The following NHS variants were observed in gnomAD, a reference collection of about 807,000 sequenced individuals.
The protein encoded by NHS is NHS actin remodeling regulator.
A neutral mutation model predicts 72.5 loss-of-function variants in NHS; 5 were observed. The ratio of observed to expected loss-of-function variants is 0.07; its 90% CI spans 0.04 to 0.14. The LOEUF is 0.14. NHS is among the 10% of genes least tolerant of loss of function. The pLI is 1.00. For missense variants in NHS, 1,072 were observed against 1,355.7 expected, an observed-to-expected ratio of 0.79 and a Z score of 3.29; for synonymous variants, 464 against 547.7, an observed-to-expected ratio of 0.85 and a Z score of 2.13.
chrX:17,719,340 A>G lies in NHS; in HGVS notation c.853-4A>G. 2 of 1,166,087 alleles carry G rather than the reference A, an allele frequency of 1.7e-6. No individual in the cohort carries two copies. Among genetic ancestry groups the G allele is most frequent in the Non-Finnish European group, 2.3e-6 (2 of 871,989 alleles). ...TTTTCTTTTTTTGCATTTCATGTTC[A>G]TAGTTTAACAGCACCCGTTCGCCCT... On this transcript the variant is annotated splice_polypyrimidine_tract_variant and splice_region_variant and intron_variant, in intron 3 of 8. Coordinates refer to ENST00000676302, the MANE Select transcript of NHS (RefSeq NM_001291867.2).
intron 3 of NHS, among the ~76,000 whole-genome samples, chrX:17,712,654 G>A (rs780542057): frequency 2.9e-4 from 32 of 109,209 alleles, no homozygotes; most frequent in Non-Finnish European, 5.3e-4. Flanking sequence ...ACTTCGCCAC[G>A]GTGATTGGAA....
At chrX:17,402,969 AC>A (rs1432754417) in intron 1 of NHS, among the ~76,000 whole-genome samples, 9 of 112,250 alleles carry the variant, frequency 8.0e-5, no homozygotes, top group Non-Finnish European at 1.5e-4. Context: ...CAGTGGCTGA[AC>A]ACAAGAAAAC....
intron 1 of NHS, among the ~76,000 whole-genome samples, chrX:17,472,300 A>G (rs1161922608): frequency 9.0e-6 from 1 of 110,588 alleles, no homozygotes; most frequent in Non-Finnish European, 1.9e-5. Context: ...AGATAGGTAG[A>G]TAGATACTGA....
chrX:17,721,429 C>G lies in NHS; in HGVS notation c.916-12C>G. ...ACTATGATGGCTGAACCTGATTGTA[C>G]TTTGTTTGCAGTCCCATCCCCCAGA... On this transcript the variant is annotated splice_polypyrimidine_tract_variant and intron_variant, in intron 4 of 8. Coordinates refer to ENST00000676302, the MANE Select transcript of NHS (RefSeq NM_001291867.2). 1 of 1,209,311 alleles carries G rather than the reference C, an allele frequency of 8.3e-7. No individual in the cohort carries two copies. The highest frequency in any genetic ancestry group is 1.1e-6 in the Non-Finnish European group (1 of 893,478).
intron 1 of NHS, among the ~76,000 whole-genome samples, chrX:17,686,438 C>A (rs2066163084): frequency 8.9e-6 from 1 of 111,881 alleles, no homozygotes; most frequent in Non-Finnish European, 1.9e-5. Flanking sequence ...ACCTCTTAGT[C>A]ACCTTGGCCC....
intron 1 of NHS, among the ~76,000 whole-genome samples, chrX:17,654,368 G>A (rs944144907): frequency 1.3e-4 from 15 of 111,989 alleles, no homozygotes; most frequent in African/African-American, 3.6e-4. Context: ...TCTGTCTTCC[G>A]GGGGACTTCC....
intron 3 of NHS, among the ~76,000 whole-genome samples, chrX:17,700,780 T>C (rs2066259343): frequency 9.1e-6 from 1 of 110,283 alleles, no homozygotes; most frequent in Admixed American, 9.6e-5. Flanking sequence ...CATAGAAGAG[T>C]GATGGAGTAA....
In NHS at chrX:17,727,530, A is replaced by T. The variant is rs773827819; in HGVS notation, c.3424A>T (p.Asn1142Tyr). Residue 1142 changes from asparagine (N) to tyrosine (Y), a missense_variant, in exon 7 of 9, where the codon AAC becomes TAC. Physicochemically the swap from Asn to Tyr is moderately radical, Grantham distance 143. Coordinates refer to ENST00000676302, the MANE Select transcript of NHS (RefSeq NM_001291867.2). ...TACACCAACGATCCTGAAATCTGTTAACCTTAGGTCCATCAACAAGTCTGA... is the reference window on the plus strand; with the variant it reads ...TACACCAACGATCCTGAAATCTGTTTACCTTAGGTCCATCAACAAGTCTGA... Reference protein sequence around the residue: ...AITPTILKSVNLRSINKSEEV... With the variant: ...AITPTILKSVYLRSINKSEEV... The T allele has an allele frequency of 7.4e-6, 9 of 1,210,326 alleles. No homozygotes were observed. The East Asian group carries it at 2.4e-4, about 32-fold the overall frequency.
At position 17,685,610 on chromosome X, in the gene NHS, A is replaced by G. The variant is rs903100480; in HGVS notation, c.566-2132A>G. 3.6e-5 allele frequency among the ~76,000 whole-genome samples: 4 copies of G among 111,440 alleles called. No individual in the cohort carries two copies. In the East Asian group the frequency reaches 1.1e-3, roughly 31 times the overall value. On this transcript the variant is annotated intron_variant, in intron 1 of 8. Transcript: ENST00000676302. ...GGCACCAAAAAATGCTTTTTTTTTC[A>G]GGTAACTTGATATTTAATATTTAAT...
At chrX:17,424,943 T>C (rs2064643895) in intron 1 of NHS, among the ~76,000 whole-genome samples, 1 of 111,510 alleles carries the variant, frequency 9.0e-6, no homozygotes, top group South Asian at 3.8e-4. Flanking sequence ...GTTGGGGTGG[T>C]GGTGAGGCTA....
chrX:17,473,227 G>A (rs972756442), intron 1 of NHS, among the ~76,000 whole-genome samples: 2 of 112,079 alleles, frequency 1.8e-5, no homozygotes, highest in African/African-American at 6.5e-5. Context: ...TGAGTGTAGT[G>A]TTCTTGAACA....
chrX:17,682,211 A>G (rs1164188027), intron 1 of NHS, among the ~76,000 whole-genome samples: 1 of 111,835 alleles, frequency 8.9e-6, no homozygotes, highest in Admixed American at 9.5e-5. Context: ...AATAGATCTG[A>G]GCACTCAGGC....
intron 1 of NHS, among the ~76,000 whole-genome samples, chrX:17,569,150 G>C (rs1204951545): frequency 8.9e-6 from 1 of 111,936 alleles, no homozygotes; most frequent in Admixed American, 9.4e-5. Context: ...CTTTATAGTA[G>C]AATGATTTGT....
chrX:17,713,134 G>A (rs1169750032), intron 3 of NHS, among the ~76,000 whole-genome samples: 3 of 111,604 alleles, frequency 2.7e-5, no homozygotes, highest in Non-Finnish European at 5.7e-5. Flanking sequence ...CTACATAATT[G>A]TAGCAACAAG....
chrX:17,660,925 G>T (rs1185281462), intron 1 of NHS, among the ~76,000 whole-genome samples: 1 of 112,505 alleles, frequency 8.9e-6, no homozygotes, highest in Non-Finnish European at 1.9e-5. Flanking sequence ...ATCTCAGGAG[G>T]AGTTGATGGT....
intron 1 of NHS, among the ~76,000 whole-genome samples, chrX:17,379,418 G>T (rs1311963671): frequency 9.1e-6 from 1 of 110,214 alleles, no homozygotes; most frequent in East Asian, 2.9e-4. Context: ...TACAGGTTGT[G>T]GAAAAAAAAA....
chrX:17,704,426 G>A (rs1325005424), intron 3 of NHS, among the ~76,000 whole-genome samples: 2 of 110,099 alleles, frequency 1.8e-5, no homozygotes, highest in Non-Finnish European at 3.8e-5. Context: ...TCAGCCTCCC[G>A]AGTAGCTGGG....
chrX:17,453,039 G>A (rs1034338939), intron 1 of NHS, among the ~76,000 whole-genome samples: 7 of 112,177 alleles, frequency 6.2e-5, no homozygotes, highest in African/African-American at 2.3e-4. Flanking sequence ...AGATTATTTA[G>A]CTGTAGTTAA....
chrX:17,621,300 C>T (rs886325307), intron 1 of NHS, among the ~76,000 whole-genome samples: 2 of 111,935 alleles, frequency 1.8e-5, no homozygotes, highest in African/African-American at 6.5e-5. Context: ...ACAGGAAGCT[C>T]CGAGGAAGAG....
Sources: allele counts gnomAD v4.1 joint callset (sites outside exome capture counted in the v4.1 genomes callset), GRCh38; gene constraint gnomAD v4.1.1; transcripts MANE v1.5; gene names NCBI Gene and HGNC (gene_info 2026-07-23, HGNC 2026-07-21).